SLC16A7: variants seen among roughly 807,000 people sequenced by gnomAD.
SLC16A7 encodes monocarboxylate transporter 2.
A neutral mutation model predicts 34.9 loss-of-function variants in SLC16A7; 33 were observed. The observed-to-expected ratio is 0.94, with a 90% CI of 0.72 to 1.26. SLC16A7 has a LOEUF of 1.26. SLC16A7 is among the 50% of genes most tolerant of loss of function. The probability of loss-of-function intolerance (pLI) is 0.00; values close to 1 mark genes in which losing one functional copy is unlikely to be tolerated. For synonymous variants in SLC16A7, 201 were observed against 206.6 expected, an observed-to-expected ratio of 0.97 and a Z score of 0.23; for missense variants, 573 against 578.1, an observed-to-expected ratio of 0.99 and a Z score of 0.09.
intron 2 of SLC16A7, among the ~76,000 whole-genome samples, chr12:59,674,579 C>A (rs1053865248): frequency 2.0e-5 from 3 of 152,100 alleles, no homozygotes; most frequent in Non-Finnish European, 4.4e-5. Flanking sequence ...GTCAGCGCAC[C>A]AATGTTATAT....
chr12:59,650,749 C>G (rs1032832034), intron 1 of SLC16A7, among the ~76,000 whole-genome samples: 3 of 152,090 alleles, frequency 2.0e-5, no homozygotes, highest in Non-Finnish European at 4.4e-5. Flanking sequence ...GAAGGGTGGA[C>G]TCCATGCAAA....
At chr12:59,695,866 C>T (rs983611296) in intron 2 of SLC16A7, among the ~76,000 whole-genome samples, 21 of 152,104 alleles carry the variant, frequency 1.4e-4, no homozygotes, top group South Asian at 8.3e-4. Flanking sequence ...ATTTTTCTGT[C>T]GCCCCGATTT....
At chr12:59,661,051 T>A (rs1446042414) in intron 2 of SLC16A7, among the ~76,000 whole-genome samples, 1 of 152,138 alleles carries the variant, frequency 6.6e-6, no homozygotes, top group African/African-American at 2.4e-5. Flanking sequence ...TTACATTTTA[T>A]AACATATTCT....
At chr12:59,649,137 T>A (rs1472459121) in intron 1 of SLC16A7, among the ~76,000 whole-genome samples, 1 of 152,198 alleles carries the variant, frequency 6.6e-6, no homozygotes, top group Non-Finnish European at 1.5e-5. Flanking sequence ...CGATGACTTA[T>A]ATAAATCAGG....
intron 2 of SLC16A7, among the ~76,000 whole-genome samples, chr12:59,666,016 A>T (rs1869171705): frequency 6.6e-6 from 1 of 152,096 alleles, no homozygotes; most frequent in Non-Finnish European, 1.5e-5. Context: ...TTCTTTTCAA[A>T]CTGAAATTAA....
chr12:59,780,835 C>G lies in SLC16A7; in HGVS notation c.*1156C>G, dbSNP rs891525193. On this transcript the variant is annotated 3_prime_UTR_variant, in exon 6 of 6. Transcript: ENST00000547379. ...ACCCTCTAAGCTCTCTCAGTTCCTT[C>G]CCTTCCACAAAATGCAAGAGCAAAA... 1 of 152,098 alleles carries G rather than the reference C, an allele frequency of 6.6e-6. No homozygotes were observed. Among genetic ancestry groups the G allele is most frequent in the South Asian group, 2.1e-4 (1 of 4,824 alleles). 9.4% of individuals were successfully genotyped at this position (152,098 alleles called of 1,614,324 possible).
intron 3 of SLC16A7, chr12:59,768,220 T>A (rs925381767): frequency 2.2e-6 from 1 of 455,596 alleles, no homozygotes; most frequent in Non-Finnish European, 4.4e-6. Flanking sequence ...TCACGATCAT[T>A]CACTGTTATG....
At chr12:59,696,920 A>T (rs1872368665) in intron 2 of SLC16A7, among the ~76,000 whole-genome samples, 1 of 151,994 alleles carries the variant, frequency 6.6e-6, no homozygotes, top group African/African-American at 2.4e-5. Flanking sequence ...AATATGCTGA[A>T]AACAGAAAGT....
intron 2 of SLC16A7, among the ~76,000 whole-genome samples, chr12:59,664,292 C>G (rs1467968532): frequency 6.6e-6 from 1 of 152,068 alleles, no homozygotes; most frequent in East Asian, 1.9e-4. Context: ...ATAGTAATTT[C>G]TTCTAAAACG....
In SLC16A7 at chr12:59,618,158, A is replaced by G. The variant is rs150015000; in HGVS notation, c.-130+21922A>G. 3.8e-4 allele frequency among the ~76,000 whole-genome samples: 58 copies of G among 151,978 alleles called. 1 individual carries two copies. In the East Asian group the frequency reaches 0.01, roughly 27 times the overall value. On this transcript the variant is annotated intron_variant, in intron 1 of 5. Transcript: ENST00000547379. ...TTATCTTTCTTTTTAGAGCCATAGT[A>G]TTATAGCTTATATTGCTACACTGCT...
intron 3 of SLC16A7, among the ~76,000 whole-genome samples, chr12:59,764,619 G>A (rs1230800493): frequency 2.0e-5 from 3 of 152,014 alleles, no homozygotes; most frequent in Non-Finnish European, 4.4e-5. Flanking sequence ...TGCTGAGAAC[G>A]ATGGTTTCCA....
intron 2 of SLC16A7, among the ~76,000 whole-genome samples, chr12:59,700,838 A>T (rs1330560860): frequency 1.3e-5 from 2 of 151,718 alleles, no homozygotes; most frequent in African/African-American, 4.8e-5. Context: ...GAAACTCTGG[A>T]GGATTTCACA....
chr12:59,601,132 T>C (rs974524885), intron 1 of SLC16A7, among the ~76,000 whole-genome samples: 13 of 152,242 alleles, frequency 8.5e-5, no homozygotes, highest in African/African-American at 3.1e-4. Flanking sequence ...AAGATCCATA[T>C]ACAGTGTTGG....
intron 2 of SLC16A7, among the ~76,000 whole-genome samples, chr12:59,686,569 T>A (rs961810857): frequency 6.6e-6 from 1 of 152,046 alleles, no homozygotes; most frequent in African/African-American, 2.4e-5. Context: ...GTTAGTAGCA[T>A]GTTTTGCAGT....
intron 1 of SLC16A7, among the ~76,000 whole-genome samples, chr12:59,601,548 G>A (rs1878683490): frequency 6.6e-6 from 1 of 152,206 alleles, no homozygotes; most frequent in African/African-American, 2.4e-5. Context: ...TTTGGGGTGG[G>A]ACACTTTTTC....
At position 59,774,647 on chromosome 12, in the gene SLC16A7, T is replaced by C. The variant is rs781454613; in HGVS notation, c.362-10T>C. 2.0e-6 allele frequency: 3 copies of C among 1,535,818 alleles called. No individual in the cohort carries two copies. The highest frequency in any genetic ancestry group is 1.8e-6 in the Non-Finnish European group (2 of 1,140,138). On this transcript the variant is annotated splice_polypyrimidine_tract_variant and intron_variant, in intron 4 of 5. Coordinates refer to ENST00000547379, the MANE Select transcript of SLC16A7 (RefSeq NM_001270623.2). ...TGTGTTTTCCCCCACTTTTGTTTTG[T>C]TCTTTTTAGGTTTAGGTTTAGCCTT...
chr12:59,725,673 C>T (rs1473923102), intron 3 of SLC16A7, among the ~76,000 whole-genome samples: 2 of 151,924 alleles, frequency 1.3e-5, no homozygotes, highest in East Asian at 1.9e-4. Flanking sequence ...TATTATCCTA[C>T]CTGGTGAATA....
At chr12:59,607,562 C>G (rs1267913305) in intron 1 of SLC16A7, among the ~76,000 whole-genome samples, 1 of 152,072 alleles carries the variant, frequency 6.6e-6, no homozygotes, top group Non-Finnish European at 1.5e-5. Context: ...AATCACTGAT[C>G]TAGGATATTT....
chr12:59,677,052 C>T (rs1460640134), intron 2 of SLC16A7, among the ~76,000 whole-genome samples: 9 of 151,924 alleles, frequency 5.9e-5, no homozygotes, highest in East Asian at 1.9e-4. Flanking sequence ...GCCCATTGCT[C>T]GTGTGTGTGT....
Sources: allele counts gnomAD v4.1 joint callset (sites outside exome capture counted in the v4.1 genomes callset), GRCh38; gene constraint gnomAD v4.1.1; transcripts MANE v1.5; gene names NCBI Gene and HGNC (gene_info 2026-07-23, HGNC 2026-07-21).